Variants in LZTFL1 observed in about 807,000 individuals in gnomAD.
The protein encoded by LZTFL1 is leucine zipper transcription factor-like protein 1.
In LZTFL1, 25 loss-of-function variants were observed where a neutral mutation model predicts 45.9. The observed-to-expected ratio is 0.54, with a 90% CI of 0.40 to 0.76. The LOEUF is 0.76. Among genes scored for constraint, LZTFL1 ranks in the 30% least tolerant of loss-of-function variants. The pLI is 0.00. For synonymous variants in LZTFL1, 93 were observed against 117.4 expected (o/e 0.79, Z 1.35); for missense variants, 277 against 331.1 (o/e 0.84, Z 1.27).
At chr3:45,875,454 C>G (rs1051876562) in intron 2 of LZTFL1, among the ~76,000 whole-genome samples, 8 of 151,376 alleles carry the variant, frequency 5.3e-5, no homozygotes, top group Non-Finnish European at 8.8e-5. Flanking sequence ...CTAGCACTTA[C>G]TAGCTATATG....
At chr3:45,890,914 C>T (rs966334421) in intron 2 of LZTFL1, among the ~76,000 whole-genome samples, 2 of 152,108 alleles carry the variant, frequency 1.3e-5, no homozygotes, top group Admixed American at 6.5e-5. Flanking sequence ...GTTCATAATC[C>T]GTTAGGTGGG....
intron 4 of LZTFL1, among the ~76,000 whole-genome samples, chr3:45,848,429 A>T (rs35081325): frequency 0.062 from 9,398 of 152,278 alleles, 502 homozygotes; most frequent in South Asian, 0.27. Context: ...TATGGATCCC[A>T]TGATGTTATT....
At chr3:45,854,903 C>G (rs1027678565) in intron 4 of LZTFL1, 2 of 976,132 alleles carry the variant, frequency 2.0e-6, no homozygotes, top group Non-Finnish European at 1.5e-6. Flanking sequence ...TCCCATTCAT[C>G]TAATCTGGAA....
chr3:45,869,516 C>CT (rs1295171815), intron 2 of LZTFL1, among the ~76,000 whole-genome samples: 1 of 152,116 alleles, frequency 6.6e-6, no homozygotes, highest in Non-Finnish European at 1.5e-5. Context: ...CCCTCCCTAG[C>CT]CTGGGATGGG....
At chr3:45,909,689 C>T (rs758435970) in intron 2 of LZTFL1, among the ~76,000 whole-genome samples, 4 of 152,328 alleles carry the variant, frequency 2.6e-5, no homozygotes, top group Admixed American at 6.5e-5. Flanking sequence ...ACAAAGGAAC[C>T]GAAGGAGGGA....
At chr3:45,888,347 C>T (rs1419499624) in intron 2 of LZTFL1, among the ~76,000 whole-genome samples, 1 of 152,180 alleles carries the variant, frequency 6.6e-6, no homozygotes, top group African/African-American at 2.4e-5. Context: ...CTCCTGGATT[C>T]TCCCCAGAGC....
Position 45,901,962 on chromosome 3 carries a change from A to T in LZTFL1, c.-215+11158T>A. 1 of 1,305,980 alleles carries T rather than the reference A, an allele frequency of 7.7e-7. No homozygotes were observed. The highest frequency in any genetic ancestry group is 2.3e-5 in the East Asian group (1 of 42,974). 80.9% of individuals were successfully genotyped at this position (1,305,980 alleles called of 1,614,324 possible). The stretch of plus-strand genomic sequence containing the variant: ...TGAGAAATACAGAAACAGTTTCCCC[A>T]CTGATGGGACCAGAGAGAGTGAAAG... On this transcript the variant is annotated intron_variant, in intron 2 of 4. Transcript: ENST00000472635. This position sits in a 1 kb window ranked among gnomAD's most constrained non-coding sequence, Gnocchi z 4.3.
intron 2 of LZTFL1, among the ~76,000 whole-genome samples, chr3:45,892,365 G>C (rs1164302819): frequency 6.6e-6 from 1 of 152,082 alleles, no homozygotes; most frequent in Non-Finnish European, 1.5e-5. Flanking sequence ...ATACATCATG[G>C]AATACTACAC....
At chr3:45,833,268 G>T in intron 4 of LZTFL1, 147 bp from the exon 5 acceptor site, 1 of 622,358 alleles carries the variant, frequency 1.6e-6, no homozygotes, top group Non-Finnish European at 2.8e-6. Flanking sequence ...ATTTCTGTTG[G>T]TTTCATCCTT....
chr3:45,915,249 G>T (rs1354787519), intron 1 of LZTFL1, among the ~76,000 whole-genome samples: 1 of 152,080 alleles, frequency 6.6e-6, no homozygotes, highest in East Asian at 1.9e-4. Flanking sequence ...AGCAGCCCTG[G>T]GTCCAGCCCT....
chr3:45,841,849 G>T (rs1011757909), intron 1 of LZTFL1, 140 bp downstream of exon 1: 170 of 1,139,866 alleles, frequency 1.5e-4, no homozygotes, highest in Non-Finnish European at 2.0e-4. Flanking sequence ...GCCCGGCGCA[G>T]CTCCCCTTCT....
intron 2 of LZTFL1, among the ~76,000 whole-genome samples, chr3:45,896,764 C>A (rs1702369718): frequency 6.6e-6 from 1 of 152,176 alleles, no homozygotes; most frequent in Non-Finnish European, 1.5e-5. Context: ...CATTTTTTCC[C>A]CACCTCCCTC....
intron 2 of LZTFL1, among the ~76,000 whole-genome samples, chr3:45,868,160 C>T (rs1315283087): frequency 7.1e-6 from 1 of 140,500 alleles, no homozygotes; most frequent in Non-Finnish European, 1.5e-5. Context: ...TACCCTAGAA[C>T]TTAAAGTATA....
chr3:45,907,521 G>C (rs974932408), intron 2 of LZTFL1, among the ~76,000 whole-genome samples: 8 of 152,214 alleles, frequency 5.3e-5, no homozygotes, highest in African/African-American at 1.7e-4. Flanking sequence ...CATCTGAATT[G>C]TGTCATCTGG....
chr3:45,839,324 G>A (rs1156516205), intron 1 of LZTFL1, among the ~76,000 whole-genome samples: 3 of 152,086 alleles, frequency 2.0e-5, no homozygotes, highest in African/African-American at 4.8e-5. Flanking sequence ...TCCTGACCTC[G>A]TGATCCACCT....
rs1258411808 is a variant in LZTFL1, at chr3:45,842,037, C to T, written c.-46G>A. ...GCCTAAAGGAACGGGAGAGGCCAGG[C>T]GGTGCCCCGCCAAGCCTGGGATCGC... On this transcript the variant is annotated 5_prime_UTR_variant, in exon 1 of 10. Transcript: ENST00000296135. The T allele has an allele frequency of 1.2e-6, 2 of 1,600,658 alleles. No individual in the cohort carries two copies. Among genetic ancestry groups the T allele is most frequent in the Admixed American group, 1.7e-5 (1 of 58,364 alleles).
intron 2 of LZTFL1, among the ~76,000 whole-genome samples, chr3:45,878,595 TAAA>T (rs762444326): frequency 9.0e-6 from 1 of 111,586 alleles, no homozygotes; most frequent in Admixed American, 9.1e-5. Flanking sequence ...GGCCCTCAAG[TAAA>T]AAAAAAAAAA....
intron 2 of LZTFL1, among the ~76,000 whole-genome samples, chr3:45,889,775 A>C (rs1243736837): frequency 1.3e-5 from 2 of 151,872 alleles, no homozygotes; most frequent in East Asian, 3.9e-4. Flanking sequence ...TTCTATCAGC[A>C]TGAGGACCAT....
At chr3:45,875,868 T>C (rs1701742955) in intron 2 of LZTFL1, among the ~76,000 whole-genome samples, 1 of 152,162 alleles carries the variant, frequency 6.6e-6, no homozygotes, top group Admixed American at 6.5e-5. Flanking sequence ...TAATGTAAAT[T>C]TTTAAATTTG....
Sources: allele counts gnomAD v4.1 joint callset (sites outside exome capture counted in the v4.1 genomes callset), GRCh38; gene constraint gnomAD v4.1.1; non-coding constraint Gnocchi (gnomAD v3.1); transcripts MANE v1.5; gene names NCBI Gene and HGNC (gene_info 2026-07-23, HGNC 2026-07-21).